The following SLC28A3 variants were observed in gnomAD, a reference collection of about 807,000 sequenced individuals.
The protein encoded by SLC28A3 is concentrative Na(+)-nucleoside cotransporter 3.
A neutral mutation model predicts 84.2 loss-of-function variants in SLC28A3; 68 were observed. The ratio of observed to expected loss-of-function variants is 0.81; its 90% CI spans 0.66 to 0.99. SLC28A3 has a LOEUF of 0.99. SLC28A3 is among the 50% of genes least tolerant of loss of function. SLC28A3 has a pLI of 0.00. For missense variants in SLC28A3, 712 were observed against 841.5 expected (o/e 0.85, Z 1.90); for synonymous variants, 267 against 303.6 (o/e 0.88, Z 1.25).
upstream of SLC28A3, among the ~76,000 whole-genome samples, chr9:84,343,757 A>G (rs1461946748): frequency 1.3e-5 from 2 of 152,232 alleles, no homozygotes; most frequent in Admixed American, 1.3e-4. Context: ...CTATCATCCC[A>G]TAAGGACAGA....
the SLC28A3 span, among the ~76,000 whole-genome samples, chr9:84,360,795 T>C: frequency 6.6e-6 from 1 of 151,930 alleles, no homozygotes; most frequent in Admixed American, 6.6e-5. Context: ...TGCGCACCTG[T>C]AGTCTTGCTA....
chr9:84,351,848 A>G, the SLC28A3 span, among the ~76,000 whole-genome samples: 1 of 151,744 alleles, frequency 6.6e-6, no homozygotes, highest in Non-Finnish European at 1.5e-5. Flanking sequence ...ATAAAGTGAT[A>G]TAATGTCTGT....
intron 1 of SLC28A3, among the ~76,000 whole-genome samples, chr9:84,330,103 A>C (rs1826720393): frequency 6.6e-6 from 1 of 152,064 alleles, no homozygotes; most frequent in South Asian, 2.1e-4. Flanking sequence ...TGAAATATAG[A>C]CTAGAAAAAC....
intron 12 of SLC28A3, 120 bp downstream of exon 12, chr9:84,287,928 T>C: frequency 3.8e-6 from 5 of 1,314,664 alleles, no homozygotes; most frequent in Non-Finnish European, 3.1e-6. Flanking sequence ...GTCTTTGGAC[T>C]AACTTTAATA....
the SLC28A3 span, among the ~76,000 whole-genome samples, chr9:84,362,269 T>C: frequency 2.0e-5 from 3 of 152,152 alleles, no homozygotes; most frequent in Admixed American, 2.0e-4. Context: ...AATATTGAGA[T>C]GCTACTGGAC....
intron 2 of SLC28A3, among the ~76,000 whole-genome samples, chr9:84,310,887 T>G (rs1168104917): frequency 6.6e-6 from 1 of 152,206 alleles, no homozygotes; most frequent in Non-Finnish European, 1.5e-5. Context: ...ATGGTCATCA[T>G]TATTATTTTC....
intron 4 of SLC28A3, among the ~76,000 whole-genome samples, chr9:84,303,767 G>A (rs745645011): frequency 6.6e-6 from 1 of 152,132 alleles, no homozygotes; most frequent in Non-Finnish European, 1.5e-5. Flanking sequence ...TGACTTCACA[G>A]GGCTGAAAAC....
At chr9:84,368,653 G>A in the SLC28A3 span, among the ~76,000 whole-genome samples, 1 of 151,930 alleles carries the variant, frequency 6.6e-6, no homozygotes, top group Admixed American at 6.6e-5. Flanking sequence ...TGGCTGAGTT[G>A]GCATCCAAGA....
At chr9:84,334,922 T>G (rs1588626132) in intron 1 of SLC28A3, among the ~76,000 whole-genome samples, 1 of 152,250 alleles carries the variant, frequency 6.6e-6, no homozygotes, top group East Asian at 1.9e-4. Flanking sequence ...TTCCCTTGAC[T>G]TCTCCAGATC....
intron 1 of SLC28A3, among the ~76,000 whole-genome samples, chr9:84,338,970 C>T (rs1381387961): frequency 6.6e-6 from 1 of 152,116 alleles, no homozygotes; most frequent in Non-Finnish European, 1.5e-5. Flanking sequence ...GCACAGGTGT[C>T]CCGCTTGCTC....
intron 5 of SLC28A3, 27 bp from the exon 6 acceptor site, chr9:84,299,752 G>C: frequency 1.3e-6 from 2 of 1,556,356 alleles, no homozygotes; most frequent in Non-Finnish European, 1.7e-6. Flanking sequence ...GGAGGCATTG[G>C]CATCATTTGT....
In SLC28A3 at chr9:84,314,096, G is replaced by A. The variant is rs577298883; in HGVS notation, c.61-642C>T. On this transcript the variant is annotated intron_variant, in intron 1 of 17. Transcript: ENST00000376238. Reference sequence around the variant, plus strand: ...CAACTTATAAAATGAACTAAAACGTGGTAAACCATAGGCTGAATAGCCTTA... The same window carrying A: ...CAACTTATAAAATGAACTAAAACGTAGTAAACCATAGGCTGAATAGCCTTA... Among the ~76,000 whole-genome samples, 13 of 152,160 alleles carry A rather than the reference G, an allele frequency of 8.5e-5. No individual in the cohort carries two copies. The South Asian group carries it at 2.5e-3, about 29-fold the overall frequency.
At chr9:84,299,371 C>G (rs1036973989) in intron 6 of SLC28A3, among the ~76,000 whole-genome samples, 8 of 151,994 alleles carry the variant, frequency 5.3e-5, no homozygotes, top group African/African-American at 1.9e-4. Flanking sequence ...GGTTATGTAA[C>G]TGGAAAATTA....
In SLC28A3 at chr9:84,286,195, G is replaced by A; in HGVS notation, c.1281-84C>T. On this transcript the variant is annotated intron_variant, in intron 12 of 17. Transcript: ENST00000376238. ...TTGGTGCAGAAGTAGCATAATCAGA[G>A]CTTAGATAAGAGACAAACTCTAAGG... 2.2e-6 allele frequency: 3 copies of A among 1,357,074 alleles called. No individual in the cohort carries two copies. In the South Asian group the frequency reaches 4.1e-5, roughly 19 times the overall value. 84.1% of individuals were successfully genotyped at this position (1,357,074 alleles called of 1,614,324 possible).
chr9:84,322,822 A>T (rs1229883514), intron 1 of SLC28A3, among the ~76,000 whole-genome samples: 1 of 152,308 alleles, frequency 6.6e-6, no homozygotes, highest in African/African-American at 2.4e-5. Flanking sequence ...TGGGCAACAG[A>T]GTAGAAAAGA....
intron 1 of SLC28A3, among the ~76,000 whole-genome samples, chr9:84,322,236 G>A (rs1029548694): frequency 6.6e-6 from 1 of 152,178 alleles, no homozygotes; most frequent in Admixed American, 6.5e-5. Context: ...GTTGGAATAA[G>A]ATAGAAGAAG....
rs553763822 is a variant in SLC28A3, at chr9:84,301,265, A to C, written c.524+935T>G. Among the ~76,000 whole-genome samples the C allele has an allele frequency of 4.8e-5, 7 of 145,680 alleles. No homozygotes were observed. In the South Asian group the frequency reaches 1.6e-3, roughly 33 times the overall value. Reference sequence around the variant, plus strand: ...TTTGGGAGGCTGAGGCACGAGAATCATTTGAACCCAGGAGGCGGAGGTTGC... The same window carrying C: ...TTTGGGAGGCTGAGGCACGAGAATCCTTTGAACCCAGGAGGCGGAGGTTGC... On this transcript the variant is annotated intron_variant, in intron 5 of 17. Coordinates refer to ENST00000376238, the MANE Select transcript of SLC28A3 (RefSeq NM_001199633.2).
chr9:84,348,824 T>C, the SLC28A3 span, among the ~76,000 whole-genome samples: 11 of 152,320 alleles, frequency 7.2e-5, no homozygotes, highest in African/African-American at 2.4e-4. Context: ...CACCATGTTA[T>C]GATGCAGCAC....
intron 3 of SLC28A3, among the ~76,000 whole-genome samples, chr9:84,308,122 T>TC (rs1369902120): frequency 6.6e-6 from 1 of 152,176 alleles, no homozygotes; most frequent in Non-Finnish European, 1.5e-5. Context: ...CCTCCTGTAG[T>TC]CCCAGCTACT....
Sources: gnomAD v4.1 joint callset for allele counts (sites outside exome capture counted in the v4.1 genomes callset) on GRCh38, gnomAD v4.1.1 for gene constraint, MANE v1.5 for transcripts, NCBI Gene and HGNC (gene_info 2026-07-23, HGNC 2026-07-21) for gene names.